The following EIF3H variants were observed in gnomAD, a reference collection of about 807,000 sequenced individuals.
The protein encoded by EIF3H is eIF-3-gamma.
In EIF3H, 26 loss-of-function variants were observed where a neutral mutation model predicts 44.2. That is an observed-to-expected ratio of 0.59 (90% CI 0.43 to 0.82). The LOEUF is 0.82. EIF3H is among the 40% of genes least tolerant of loss of function. The pLI is 0.00. For synonymous variants in EIF3H, 166 were observed against 151.9 expected, an observed-to-expected ratio of 1.09 and a Z score of -0.68; for missense variants, 359 against 432.8, an observed-to-expected ratio of 0.83 and a Z score of 1.51.
intron 1 of EIF3H, among the ~76,000 whole-genome samples, chr8:116,749,562 G>A (rs139862756): frequency 4.6e-5 from 7 of 152,260 alleles, no homozygotes; most frequent in African/African-American, 9.6e-5. Flanking sequence ...AAAGTTTAAC[G>A]GGAAGAATTA....
chr8:116,752,242 T>C lies in EIF3H; in HGVS notation c.132+3424A>G, dbSNP rs550394402. 4.0e-4 allele frequency among the ~76,000 whole-genome samples: 61 copies of C among 152,190 alleles called. 1 individual carries two copies. The South Asian group carries it at 0.012, about 30-fold the overall frequency. On this transcript the variant is annotated intron_variant, in intron 1 of 7. Transcript: ENST00000521861. ...CTTTGGAGTAAAACAATCATAGAAGTGTTGTTAGTTACTGGTGGATGCAGA... is the reference window on the plus strand; with the variant it reads ...CTTTGGAGTAAAACAATCATAGAAGCGTTGTTAGTTACTGGTGGATGCAGA...
intron 3 of EIF3H, among the ~76,000 whole-genome samples, chr8:116,657,996 A>T (rs1353848467): frequency 6.6e-6 from 1 of 152,230 alleles, no homozygotes; most frequent in East Asian, 1.9e-4. Flanking sequence ...ACACAGTGAA[A>T]CTTTTAGCAA....
intron 2 of EIF3H, among the ~76,000 whole-genome samples, chr8:116,664,193 A>G (rs1563636132): frequency 6.6e-6 from 1 of 152,178 alleles, no homozygotes; most frequent in Non-Finnish European, 1.5e-5. Context: ...GTTTTTCCAG[A>G]TATCCTCTTT....
intron 2 of EIF3H, among the ~76,000 whole-genome samples, chr8:116,717,223 C>T (rs1814672638): frequency 6.6e-6 from 1 of 151,988 alleles, no homozygotes; most frequent in Non-Finnish European, 1.5e-5. Flanking sequence ...AGGAAAACTA[C>T]AAAACACTGC....
chr8:116,697,803 G>C (rs1182676329), intron 2 of EIF3H, among the ~76,000 whole-genome samples: 1 of 152,104 alleles, frequency 6.6e-6, no homozygotes, highest in Admixed American at 6.5e-5. Context: ...AATAAAGATT[G>C]GTCTTGAAAT....
intron 1 of EIF3H, among the ~76,000 whole-genome samples, chr8:116,733,505 C>T (rs1055621811): frequency 6.6e-6 from 1 of 152,112 alleles, no homozygotes. Flanking sequence ...GAATAAAAGA[C>T]AGTCCTATCA....
At chr8:116,656,542 T>G (rs1308576298) in intron 4 of EIF3H, among the ~76,000 whole-genome samples, 2 of 152,210 alleles carry the variant, frequency 1.3e-5, no homozygotes, top group Non-Finnish European at 2.9e-5. Flanking sequence ...AGTTAGCTTT[T>G]CTTTTAAAAT....
chr8:116,699,854 A>G (rs1814340608), intron 2 of EIF3H, among the ~76,000 whole-genome samples: 1 of 152,114 alleles, frequency 6.6e-6, no homozygotes, highest in Non-Finnish European at 1.5e-5. Flanking sequence ...CTTGTTGCCC[A>G]GGCTGAAGTG....
chr8:116,647,303 C>T (rs13277958), intron 6 of EIF3H, among the ~76,000 whole-genome samples: 135,149 of 152,170 alleles, frequency 0.89, 60,313 homozygotes, highest in African/African-American at 0.96. Context: ...GATTTTACCA[C>T]GTTGGCCAGG....
intron 5 of EIF3H, among the ~76,000 whole-genome samples, chr8:116,649,846 A>G (rs185879687): frequency 1.3e-5 from 2 of 152,356 alleles, no homozygotes; most frequent in East Asian, 1.9e-4. Flanking sequence ...GCATGATCAG[A>G]GTATCTCTTT....
intron 2 of EIF3H, among the ~76,000 whole-genome samples, chr8:116,669,785 G>T (rs899480961): frequency 2.0e-5 from 3 of 152,156 alleles, no homozygotes; most frequent in Non-Finnish European, 4.4e-5. Context: ...AGCAGTTATA[G>T]AAAAGGTTAG....
chr8:116,684,743 G>C (rs999157754), intron 2 of EIF3H, among the ~76,000 whole-genome samples: 1 of 151,996 alleles, frequency 6.6e-6, no homozygotes, highest in South Asian at 2.1e-4. Flanking sequence ...ATACACTACA[G>C]GAAATATGCA....
At chr8:116,697,150 C>G (rs1460483308) in intron 2 of EIF3H, 2 of 456,156 alleles carry the variant, frequency 4.4e-6, no homozygotes, top group Non-Finnish European at 8.8e-6. Context: ...TTCTGCTTCC[C>G]TTCCCTCCCA....
At chr8:116,649,726 G>C (rs893376123) in intron 5 of EIF3H, among the ~76,000 whole-genome samples, 2 of 152,132 alleles carry the variant, frequency 1.3e-5, no homozygotes. Flanking sequence ...AGAAAACAGG[G>C]AGACAACAGT....
At position 116,738,034 on chromosome 8, in the gene EIF3H, C is replaced by CAAA. The variant is rs750259420; in HGVS notation, c.133-11865_133-11863dup. On this transcript the variant is annotated intron_variant, in intron 1 of 7. Coordinates refer to ENST00000521861, the MANE Select transcript of EIF3H (RefSeq NM_003756.3). ...TGGGCGACACAGCGAGGCTCCATCTCAAAAAAAAAAAAAAAAAAAGAATGG... is the reference window on the plus strand; with the variant it reads ...TGGGCGACACAGCGAGGCTCCATCTCAAAAAAAAAAAAAAAAAAAAAAGAATGG... Among the ~76,000 whole-genome samples the CAAA allele has an allele frequency of 2.3e-3, 160 of 68,462 alleles. 1 individual carries two copies. Among genetic ancestry groups the CAAA allele is most frequent in the East Asian group, 0.022 (69 of 3,174 alleles). The allele number at this position is 68,462 out of a possible 152,430, so 44.9% of individuals were successfully genotyped here.
intron 2 of EIF3H, among the ~76,000 whole-genome samples, chr8:116,719,335 T>C (rs928931203): frequency 6.6e-6 from 1 of 152,168 alleles, no homozygotes; most frequent in Non-Finnish European, 1.5e-5. Context: ...AAGCCTGTCA[T>C]CTCACCAACT....
intron 1 of EIF3H, among the ~76,000 whole-genome samples, chr8:116,735,334 G>A (rs1327202301): frequency 6.6e-6 from 1 of 152,206 alleles, no homozygotes; most frequent in African/African-American, 2.4e-5. Flanking sequence ...AAAATTGCTA[G>A]TGCGAAAGCA....
chr8:116,696,870 C>T (rs1048411900), intron 2 of EIF3H, among the ~76,000 whole-genome samples: 2 of 152,154 alleles, frequency 1.3e-5, no homozygotes, highest in Non-Finnish European at 2.9e-5. Context: ...CAGCCCTGCA[C>T]ACACAAAAAA....
chr8:116,674,730 A>G (rs190420235), intron 2 of EIF3H, among the ~76,000 whole-genome samples: 1 of 152,322 alleles, frequency 6.6e-6, no homozygotes, highest in Admixed American at 6.5e-5. Flanking sequence ...TAAAGGAAAT[A>G]TAATTACTAT....
Sources: gnomAD v4.1 joint callset for allele counts (sites outside exome capture counted in the v4.1 genomes callset) on GRCh38, gnomAD v4.1.1 for gene constraint, MANE v1.5 for transcripts, NCBI Gene and HGNC (gene_info 2026-07-23, HGNC 2026-07-21) for gene names.